The following FARS2 variants were observed in gnomAD, a reference collection of about 807,000 sequenced individuals.
The protein encoded by FARS2 is phenylalanyl-tRNA synthetase 2, mitochondrial.
FARS2 carries 40 observed loss-of-function variants against 46.4 expected under a neutral mutation model. The ratio of observed to expected loss-of-function variants is 0.86; its 90% CI spans 0.67 to 1.12. The LOEUF is 1.12. Ranked by LOEUF, FARS2 falls within the 50% of genes most tolerant of loss-of-function variation. FARS2 has a pLI of 0.00. For synonymous variants in FARS2, 234 were observed against 214.9 expected (o/e 1.09, Z -0.78); for missense variants, 513 against 567.9 (o/e 0.90, Z 0.98).
intron 2 of FARS2, among the ~76,000 whole-genome samples, chr6:5,374,989 G>T (rs1436239327): frequency 1.3e-5 from 2 of 152,014 alleles, no homozygotes; most frequent in Admixed American, 1.3e-4. Flanking sequence ...ATAATTAATG[G>T]TGCATCATTC....
At chr6:5,475,641 C>G (rs1235965565) in intron 4 of FARS2, among the ~76,000 whole-genome samples, 1 of 152,174 alleles carries the variant, frequency 6.6e-6, no homozygotes, top group Non-Finnish European at 1.5e-5. Context: ...TCATAGACCC[C>G]TCTTTACTTC....
chr6:5,352,868 G>T (rs142954090), intron 1 of FARS2, among the ~76,000 whole-genome samples: 1 of 151,944 alleles, frequency 6.6e-6, no homozygotes, highest in African/African-American at 2.4e-5. Context: ...ATCAAATCAG[G>T]GTATTTAGCA....
At chr6:5,428,168 T>C (rs1324527642) in intron 3 of FARS2, among the ~76,000 whole-genome samples, 1 of 152,214 alleles carries the variant, frequency 6.6e-6, no homozygotes, top group Non-Finnish European at 1.5e-5. Context: ...TCAACACTTG[T>C]AATTGTTTTC....
intron 6 of FARS2, among the ~76,000 whole-genome samples, chr6:5,730,721 A>G (rs527953652): frequency 6.6e-6 from 1 of 152,336 alleles, no homozygotes; most frequent in Admixed American, 6.5e-5. Context: ...GGTCATGAGC[A>G]AAGTCTTCAC....
rs564275055 is a variant in FARS2, at chr6:5,638,024, T to C, written c.1217+24704T>C. On this transcript the variant is annotated intron_variant, in intron 6 of 6. Transcript: ENST00000274680. ...AGGGATTTTTATGGATAGCCATAAA[T>C]TTCAGTCCATCTGACGTCCAAGGTG... 9.9e-5 allele frequency among the ~76,000 whole-genome samples: 15 copies of C among 152,284 alleles called. No individual in the cohort carries two copies. In the South Asian group the frequency reaches 3.1e-3, roughly 32 times the overall value.
chr6:5,252,279 C>T, the FARS2 span, among the ~76,000 whole-genome samples: 10 of 152,292 alleles, frequency 6.6e-5, no homozygotes, highest in South Asian at 6.2e-4. Flanking sequence ...CGGCAGCCCA[C>T]GGGGAGCGAG....
chr6:5,457,470 A>T (rs1224822612), intron 4 of FARS2, among the ~76,000 whole-genome samples: 1 of 152,134 alleles, frequency 6.6e-6, no homozygotes, highest in Non-Finnish European at 1.5e-5. Context: ...CACATACCAG[A>T]TCCCCTGAAA....
intron 4 of FARS2, among the ~76,000 whole-genome samples, chr6:5,506,303 C>T (rs938032742): frequency 6.6e-6 from 1 of 152,160 alleles, no homozygotes; most frequent in Non-Finnish European, 1.5e-5. Context: ...GGTGTGGGGT[C>T]AGGAGAGTCA....
chr6:5,662,693 T>C (rs1234326352), intron 6 of FARS2, among the ~76,000 whole-genome samples: 1 of 152,218 alleles, frequency 6.6e-6, no homozygotes, highest in Non-Finnish European at 1.5e-5. Flanking sequence ...ATTAGTCAAG[T>C]GTTAAGCCCT....
At chr6:5,394,960 C>T (rs1441145157) in intron 2 of FARS2, among the ~76,000 whole-genome samples, 1 of 151,978 alleles carries the variant, frequency 6.6e-6, no homozygotes, top group Non-Finnish European at 1.5e-5. Context: ...CCTTGTAGGC[C>T]TCTCTCTTTT....
At chr6:5,257,663 G>C (rs1292429080), upstream of FARS2, among the ~76,000 whole-genome samples, 1 of 152,142 alleles carries the variant, frequency 6.6e-6, no homozygotes, top group Non-Finnish European at 1.5e-5. Context: ...TCTCATAGGT[G>C]CACCTATTGT....
At chr6:5,271,481 A>C (rs1428486499) in intron 1 of FARS2, among the ~76,000 whole-genome samples, 2 of 151,900 alleles carry the variant, frequency 1.3e-5, no homozygotes, top group Non-Finnish European at 2.9e-5. Flanking sequence ...CACTAGAGCA[A>C]TCTTGCCAGA....
chr6:5,298,620 C>G (rs1768063950), intron 1 of FARS2, among the ~76,000 whole-genome samples: 1 of 152,160 alleles, frequency 6.6e-6, no homozygotes, highest in African/African-American at 2.4e-5. Context: ...TCCAGAGATT[C>G]CAGTGTAACA....
intron 6 of FARS2, among the ~76,000 whole-genome samples, chr6:5,637,410 C>T (rs563192883): frequency 6.6e-6 from 1 of 152,334 alleles, no homozygotes; most frequent in South Asian, 2.1e-4. Flanking sequence ...ACACCCATGA[C>T]CCGTGCAGCG....
Position 5,301,507 on chromosome 6 carries a change from C to T in FARS2, c.-22+39847C>T, listed in dbSNP as rs1399144531. Among the ~76,000 whole-genome samples the T allele has an allele frequency of 3.9e-5, 6 of 152,206 alleles. No individual in the cohort carries two copies. The South Asian group carries it at 8.3e-4, about 21-fold the overall frequency. ...CGGCAAGTTCTCTTTCAAAGCCTAG[C>T]CCACTGTTTTGCAGAAGGTGTTCTG... On this transcript the variant is annotated intron_variant, in intron 1 of 6. Coordinates refer to ENST00000274680, the MANE Select transcript of FARS2 (RefSeq NM_006567.5).
chr6:5,285,459 C>A (rs1403451036), intron 1 of FARS2, among the ~76,000 whole-genome samples: 1 of 152,104 alleles, frequency 6.6e-6, no homozygotes, highest in African/African-American at 2.4e-5. Context: ...TGTATTATAC[C>A]TTTGTGAGCA....
At chr6:5,348,362 G>A (rs566341906) in intron 1 of FARS2, among the ~76,000 whole-genome samples, 218 of 151,416 alleles carry the variant, frequency 1.4e-3, no homozygotes, top group African/African-American at 5.1e-3. Context: ...TGAGATAGGA[G>A]CTCTGCCTGC....
intron 6 of FARS2, among the ~76,000 whole-genome samples, chr6:5,627,785 T>G (rs1776107396): frequency 6.6e-6 from 1 of 152,206 alleles, no homozygotes; most frequent in South Asian, 2.1e-4. Flanking sequence ...TTGTTTTTTC[T>G]CCAGAGGTAA....
rs1252274215 is a variant in FARS2 at position 5,311,987 on chromosome 6, G to A, written c.-22+50327G>A. 2.0e-5 allele frequency among the ~76,000 whole-genome samples: 3 copies of A among 152,194 alleles called. No individual in the cohort carries two copies. Among genetic ancestry groups the A allele is most frequent in the African/African-American group, 7.2e-5 (3 of 41,448 alleles). On this transcript the variant is annotated intron_variant, in intron 1 of 6. Coordinates refer to ENST00000274680, the MANE Select transcript of FARS2 (RefSeq NM_006567.5). The surrounding 1 kb of genome is among the most constrained non-coding windows in gnomAD (Gnocchi z 4.1). Reference sequence around the variant, plus strand: ...TTCCGTGCATCGTAGAATCTTCGGTGTGTTGAAGGGTTTTATGTAATACAA... The same window carrying A: ...TTCCGTGCATCGTAGAATCTTCGGTATGTTGAAGGGTTTTATGTAATACAA...
Sources: gnomAD v4.1 joint callset for allele counts (sites outside exome capture counted in the v4.1 genomes callset) on GRCh38, gnomAD v4.1.1 for gene constraint, Gnocchi (gnomAD v3.1) non-coding constraint, MANE v1.5 for transcripts, NCBI Gene and HGNC (gene_info 2026-07-23, HGNC 2026-07-21) for gene names.